Variants in WWOX observed in about 807,000 individuals in gnomAD.
The protein encoded by WWOX is WW domain containing oxidoreductase, also known as WW domain-containing oxidoreductase.
In WWOX, 69 loss-of-function variants were observed where a neutral mutation model predicts 46.2. The ratio of observed to expected loss-of-function variants is 1.49; its 90% confidence interval spans 1.23 to 1.82. The LOEUF (loss-of-function observed/expected upper bound fraction) is 1.82, where lower values mean the gene tolerates loss of function less well. WWOX is among the 40% of genes most tolerant of loss of function. The pLI is 0.00. For synonymous variants in WWOX, 359 were observed against 202.6 expected (o/e 1.77, Z -6.56); for missense variants, 919 against 542.6 (o/e 1.69, Z -6.89).
chr16:79,164,325 G>T (rs1380747833), intron 8 of WWOX, among the ~76,000 whole-genome samples: 1 of 152,110 alleles, frequency 6.6e-6, no homozygotes, highest in Non-Finnish European at 1.5e-5. Context: ...AGTTAAAACG[G>T]GGAGATGGCC....
Position 78,637,863 on chromosome 16 carries a change from C to T in WWOX, c.1056+205111C>T, listed in dbSNP as rs145665251. On this transcript the variant is annotated intron_variant, in intron 8 of 8. Coordinates refer to ENST00000566780, the MANE Select transcript of WWOX (RefSeq NM_016373.4). ...GTCTCCACTTTCCAGCCTTTGGGAA[C>T]GCAGAGGGGGACCTCTGTAATTGGT... Among the ~76,000 whole-genome samples the T allele has an allele frequency of 5.9e-4, 90 of 152,246 alleles. 1 individual carries two copies. The East Asian group carries it at 0.015, about 26-fold the overall frequency.
intron 8 of WWOX, among the ~76,000 whole-genome samples, chr16:79,036,578 G>A (rs937222620): frequency 6.6e-6 from 1 of 152,160 alleles, no homozygotes; most frequent in African/African-American, 2.4e-5. Flanking sequence ...CTTAATGTGG[G>A]AGAAGAGATG....
intron 8 of WWOX, among the ~76,000 whole-genome samples, chr16:79,147,089 C>G (rs949678459): frequency 1.3e-5 from 2 of 152,144 alleles, no homozygotes; most frequent in Admixed American, 6.5e-5. Context: ...CTCATTTTAC[C>G]TGTACTCAAG....
At chr16:79,042,828 A>C (rs1195956662) in intron 8 of WWOX, among the ~76,000 whole-genome samples, 5 of 152,182 alleles carry the variant, frequency 3.3e-5, no homozygotes, top group Admixed American at 6.5e-5. Context: ...CCAAAACAAA[A>C]CAAGAAACCC....
intron 8 of WWOX, among the ~76,000 whole-genome samples, chr16:78,752,496 C>T (rs1412409536): frequency 6.6e-6 from 1 of 152,154 alleles, no homozygotes; most frequent in Non-Finnish European, 1.5e-5. Context: ...CCCTGTTGGC[C>T]AGGCTAGTTT....
chr16:78,914,144 G>T (rs890103539), intron 8 of WWOX, among the ~76,000 whole-genome samples: 1 of 152,040 alleles, frequency 6.6e-6, no homozygotes, highest in Non-Finnish European at 1.5e-5. Flanking sequence ...CCTGTCCAAA[G>T]TCACTACTCA....
At chr16:78,630,883 T>A (rs72628252) in intron 8 of WWOX, among the ~76,000 whole-genome samples, 5 of 138,028 alleles carry the variant, frequency 3.6e-5, no homozygotes, top group Non-Finnish European at 5.2e-5. Context: ...TCAGCCCCCC[T>A]CTCTCTGGGT....
intron 5 of WWOX, among the ~76,000 whole-genome samples, chr16:78,351,654 A>G (rs1290267846): frequency 6.6e-6 from 1 of 152,142 alleles, no homozygotes; most frequent in East Asian, 1.9e-4. Context: ...GTGGCTATGC[A>G]TGTGTTTTTT....
At chr16:78,330,524 G>C (rs2080730421) in intron 5 of WWOX, among the ~76,000 whole-genome samples, 1 of 152,092 alleles carries the variant, frequency 6.6e-6, no homozygotes, top group Non-Finnish European at 1.5e-5. Flanking sequence ...AGCCTCCCGA[G>C]TAGGTGAGAC....
At chr16:78,654,693 C>G (rs1358172075) in intron 8 of WWOX, among the ~76,000 whole-genome samples, 2 of 151,748 alleles carry the variant, frequency 1.3e-5, no homozygotes, top group Admixed American at 6.6e-5. Context: ...AATTACATAT[C>G]CAGTATGAAA....
intron 5 of WWOX, among the ~76,000 whole-genome samples, chr16:78,353,641 C>T (rs1167528344): frequency 2.0e-5 from 3 of 152,212 alleles, no homozygotes; most frequent in African/African-American, 7.2e-5. Context: ...TTTGCCATTA[C>T]CTGCAGTAAT....
intron 5 of WWOX, among the ~76,000 whole-genome samples, chr16:78,353,767 C>T (rs1460748115): frequency 1.5e-5 from 2 of 133,426 alleles, no homozygotes; most frequent in African/African-American, 5.2e-5. Flanking sequence ...TGCTCAGAGC[C>T]ACATCACCTG....
intron 6 of WWOX, among the ~76,000 whole-genome samples, chr16:78,414,095 C>T (rs935861080): frequency 6.6e-6 from 1 of 151,968 alleles, no homozygotes; most frequent in East Asian, 2.0e-4. Flanking sequence ...CTTCCTGAGG[C>T]AGTGAGTCTC....
intron 5 of WWOX, among the ~76,000 whole-genome samples, chr16:78,196,265 G>A (rs1254638026): frequency 6.6e-6 from 1 of 152,146 alleles, no homozygotes; most frequent in Non-Finnish European, 1.5e-5. Context: ...GGTAAGCCTA[G>A]CTTCTGGTAA....
chr16:79,118,082 G>A (rs1046947469), intron 8 of WWOX, among the ~76,000 whole-genome samples: 1 of 152,218 alleles, frequency 6.6e-6, no homozygotes, highest in Admixed American at 6.5e-5. Flanking sequence ...GCCTATGTCA[G>A]TTTTCGACAT....
intron 6 of WWOX, among the ~76,000 whole-genome samples, chr16:78,391,515 T>G (rs1215698106): frequency 6.6e-6 from 1 of 152,186 alleles, no homozygotes; most frequent in East Asian, 1.9e-4. Flanking sequence ...CATAGGAATT[T>G]CAGTGTGGAT....
At chr16:78,222,286 C>T (rs967907488) in intron 5 of WWOX, among the ~76,000 whole-genome samples, 13 of 151,354 alleles carry the variant, frequency 8.6e-5, no homozygotes, top group African/African-American at 2.9e-4. Context: ...TTCTTCAGGG[C>T]CAAGGGCCCA....
intron 5 of WWOX, among the ~76,000 whole-genome samples, chr16:78,304,711 G>A (rs1484729105): frequency 1.3e-5 from 2 of 152,126 alleles, no homozygotes; most frequent in Non-Finnish European, 2.9e-5. Flanking sequence ...TTGCTATTAT[G>A]AACAACACCA....
intron 8 of WWOX, among the ~76,000 whole-genome samples, chr16:79,167,387 G>A (rs1022202149): frequency 1.3e-5 from 2 of 152,218 alleles, no homozygotes; most frequent in South Asian, 2.1e-4. Flanking sequence ...GTTTTTTTCT[G>A]TAGTGTGTAG....
Sources: gnomAD v4.1 joint callset for allele counts (sites outside exome capture counted in the v4.1 genomes callset) on GRCh38, gnomAD v4.1.1 for gene constraint, MANE v1.5 for transcripts, NCBI Gene and HGNC (gene_info 2026-07-23, HGNC 2026-07-21) for gene names.